Variants in NUCB2 observed in about 807,000 individuals in gnomAD.
NUCB2 encodes the protein nucleobindin 2, also known as nucleobindin-2.
In NUCB2, 48 loss-of-function variants were observed where a neutral mutation model predicts 57.9. The observed-to-expected ratio is 0.83, with a 90% CI of 0.66 to 1.05. The LOEUF (loss-of-function observed/expected upper bound fraction) is 1.05. NUCB2 is among the 50% of genes least tolerant of loss of function. The pLI is 0.00. For missense variants in NUCB2, 442 were observed against 476.2 expected (o/e 0.93, Z 0.67); for synonymous variants, 139 against 152.1 (o/e 0.91, Z 0.64).
intron 6 of NUCB2, among the ~76,000 whole-genome samples, chr11:17,310,595 G>A (rs1271998339): frequency 2.0e-5 from 3 of 151,944 alleles, no homozygotes; most frequent in East Asian, 1.9e-4. Context: ...GCAGTGAGCC[G>A]AAATCGTGCC....
At chr11:17,348,196 C>G (rs1952900121) in intron 2 of NUCB2, among the ~76,000 whole-genome samples, 1 of 152,054 alleles carries the variant, frequency 6.6e-6, no homozygotes, top group African/African-American at 2.4e-5. Context: ...GTCCTCCTGC[C>G]TCTGCCTCCC....
Position 17,348,319 on chromosome 11 carries a change from G to GGTTTTTTTTTTTTT in NUCB2, n.2627-1026_2627-1025insGTTTTTTTTTTTTT, listed in dbSNP as rs1952917777. Among the ~76,000 whole-genome samples, 3 of 84,450 alleles carry GGTTTTTTTTTTTTT rather than the reference G, an allele frequency of 3.6e-5. 1 individual carries two copies. The highest frequency in any genetic ancestry group is 1.0e-4 in the African/African-American group (2 of 20,050). The allele number at this position is 84,450 out of a possible 152,430, so 55.4% of individuals were successfully genotyped here. A position where few individuals can be genotyped will look rare whatever the true frequency, so the allele number is the denominator to read the frequency against. Reference sequence around the variant, plus strand: ...TGAGGTGTTTTTTGTTTGTTTTTGTGTTTTTTTTTTTTTTTTTTTTTTTTT... The same window carrying GGTTTTTTTTTTTTT: ...TGAGGTGTTTTTTGTTTGTTTTTGTGGTTTTTTTTTTTTTTTTTTTTTTTTTTTTTTTTTTTTTT... On this transcript the variant is annotated intron_variant and non_coding_transcript_variant, in intron 2 of 2. Transcript: ENST00000532240.
chr11:17,323,465 A>T (rs929783433), intron 11 of NUCB2, among the ~76,000 whole-genome samples: 1 of 152,144 alleles, frequency 6.6e-6, no homozygotes, highest in South Asian at 2.1e-4. Flanking sequence ...TGTTGAACTC[A>T]GTTTGCTATT....
chr11:17,336,753 CAAAAAAAAAAAAAAA>C (rs71047542), downstream of NUCB2, among the ~76,000 whole-genome samples: 2 of 47,416 alleles, frequency 4.2e-5, no homozygotes, highest in African/African-American at 9.3e-5. Flanking sequence ...GACTCCGTCT[CAAAAAAAAAAAAAAA>C]AAAAAAAAAA....
At chr11:17,305,227 G>A (rs1438434219) in intron 5 of NUCB2, among the ~76,000 whole-genome samples, 2 of 152,204 alleles carry the variant, frequency 1.3e-5, no homozygotes, top group Non-Finnish European at 2.9e-5. Context: ...AGGAGGCTGA[G>A]GCAGGAGAAT....
chr11:17,345,436 C>A (rs143918931), intron 2 of NUCB2, among the ~76,000 whole-genome samples: 2 of 152,052 alleles, frequency 1.3e-5, no homozygotes, highest in Non-Finnish European at 2.9e-5. Flanking sequence ...TGGCTGGGTG[C>A]GGTGGCTCAC....
Position 17,330,386 on chromosome 11 carries a change from A to C in NUCB2, c.1173+89A>C. ...TTTTTGTAACATATTTCATTGTACT[A>C]TATAGTACACTGCTATAGCTATACT... is the stretch of plus-strand genomic sequence containing the variant. On this transcript the variant is annotated intron_variant, in intron 12 of 13. Transcript: ENST00000529010. This position sits in a 1 kb window ranked among gnomAD's most constrained non-coding sequence, Gnocchi z 4.3. 1 of 892,984 alleles carries C rather than the reference A, an allele frequency of 1.1e-6. No homozygotes were observed. 55.3% of individuals were successfully genotyped at this position (892,984 alleles called of 1,614,324 possible). A position where few individuals can be genotyped will look rare whatever the true frequency, so the allele number is the denominator to read the frequency against.
At chr11:17,344,253 C>G (rs1952534594) in intron 2 of NUCB2, among the ~76,000 whole-genome samples, 1 of 152,170 alleles carries the variant, frequency 6.6e-6, no homozygotes, top group South Asian at 2.1e-4. Flanking sequence ...AGAAGCCTAT[C>G]TATAGTACTT....
chr11:17,329,593 C>T (rs1039991683), intron 11 of NUCB2, among the ~76,000 whole-genome samples: 1 of 152,184 alleles, frequency 6.6e-6, no homozygotes, highest in African/African-American at 2.4e-5. Context: ...GTAAAGTCCC[C>T]CAGTCGCTAT....
At chr11:17,300,732 T>G (rs1381311471) in intron 4 of NUCB2, among the ~76,000 whole-genome samples, 1 of 152,230 alleles carries the variant, frequency 6.6e-6, no homozygotes, top group Non-Finnish European at 1.5e-5. Flanking sequence ...CTATGGATAT[T>G]ATGTTTAAGT....
At position 17,337,737 on chromosome 11, in the gene NUCB2, G is replaced by A. The variant is rs573320948; in HGVS notation, n.2626+203G>A. On this transcript the variant is annotated intron_variant and non_coding_transcript_variant, in intron 2 of 2. Transcript: ENST00000532240. ...AACCTCCACCTCCTATGTTTCAAGC[G>A]ATTCTCCTGCCTCAGCCTCCCAAGT... is the stretch of plus-strand genomic sequence containing the variant. Among the ~76,000 whole-genome samples, 6 of 152,034 alleles carry A rather than the reference G, an allele frequency of 3.9e-5. No individual in the cohort carries two copies. The South Asian group carries it at 8.3e-4, about 21-fold the overall frequency.
intron 5 of NUCB2, among the ~76,000 whole-genome samples, chr11:17,304,635 T>G (rs1053406986): frequency 2.6e-5 from 4 of 152,172 alleles, no homozygotes; most frequent in Non-Finnish European, 5.9e-5. Context: ...AAAATTACTA[T>G]AAACAACAGG....
chr11:17,325,558 G>A (rs1194276424), intron 11 of NUCB2, among the ~76,000 whole-genome samples: 1 of 152,072 alleles, frequency 6.6e-6, no homozygotes, highest in East Asian at 1.9e-4. Context: ...TTTTCAGTCT[G>A]TATATCTTTA....
At chr11:17,285,999 A>G (rs1021729336) in intron 2 of NUCB2, among the ~76,000 whole-genome samples, 2 of 151,990 alleles carry the variant, frequency 1.3e-5, no homozygotes, top group Admixed American at 6.6e-5. Flanking sequence ...CTATGGGTAT[A>G]AATCAGTAGC....
At chr11:17,285,542 A>G (rs1170463813) in intron 2 of NUCB2, among the ~76,000 whole-genome samples, 2 of 148,220 alleles carry the variant, frequency 1.3e-5, no homozygotes, top group African/African-American at 5.0e-5. Flanking sequence ...GCACTACTGC[A>G]CTCCAGCCTG....
At chr11:17,326,705 C>T (rs73417246) in intron 11 of NUCB2, among the ~76,000 whole-genome samples, 2,253 of 152,168 alleles carry the variant, frequency 0.015, 55 homozygotes, top group African/African-American at 0.051. Context: ...ATCGGTTCCT[C>T]GTTTGGTCTT....
At chr11:17,335,293 CTG>C (rs1447841559), downstream of NUCB2, among the ~76,000 whole-genome samples, 3 of 152,038 alleles carry the variant, frequency 2.0e-5, no homozygotes, top group South Asian at 2.1e-4. Flanking sequence ...AGATGGTAAA[CTG>C]TGGTTAAATC....
At chr11:17,326,261 A>C (rs1254970905) in intron 11 of NUCB2, among the ~76,000 whole-genome samples, 1 of 149,402 alleles carries the variant, frequency 6.7e-6, no homozygotes, top group Non-Finnish European at 1.5e-5. Context: ...CAGCCTCCCA[A>C]AGTGCTGGGA....
chr11:17,313,874 C>T (rs1249410498), intron 10 of NUCB2, among the ~76,000 whole-genome samples: 2 of 152,220 alleles, frequency 1.3e-5, no homozygotes, highest in East Asian at 1.9e-4. Flanking sequence ...TTCGTTCTCT[C>T]CTTAAGTGAT....
Sources: allele counts gnomAD v4.1 joint callset (sites outside exome capture counted in the v4.1 genomes callset), GRCh38; gene constraint gnomAD v4.1.1; non-coding constraint Gnocchi (gnomAD v3.1); transcripts MANE v1.5; gene names NCBI Gene and HGNC (gene_info 2026-07-23, HGNC 2026-07-21).